CHRM3: variants seen among roughly 807,000 people sequenced by gnomAD.
CHRM3 encodes the protein cholinergic receptor muscarinic 3.
Under a neutral mutation model 41.8 loss-of-function variants are expected in CHRM3, and 11 were observed. That is an observed-to-expected ratio of 0.26 (90% confidence interval 0.17 to 0.44). The LOEUF is 0.44. CHRM3 is among the 20% of genes least tolerant of loss of function. The pLI is 1.00. For synonymous variants in CHRM3, 297 were observed against 301.4 expected, an observed-to-expected ratio of 0.99 and a Z score of 0.15; for missense variants, 571 against 745.4, an observed-to-expected ratio of 0.77 and a Z score of 2.72.
At chr1:239,453,529 G>A (rs908886616) in intron 1 of CHRM3, among the ~76,000 whole-genome samples, 1 of 151,938 alleles carries the variant, frequency 6.6e-6, no homozygotes, top group Non-Finnish European at 1.5e-5. Flanking sequence ...ACACATTCTT[G>A]TCTTATTAGA....
intron 1 of CHRM3, among the ~76,000 whole-genome samples, chr1:239,482,060 A>AT (rs1253971043): frequency 6.6e-6 from 1 of 151,878 alleles, no homozygotes; most frequent in Non-Finnish European, 1.5e-5. Flanking sequence ...ACAAAGGCTT[A>AT]TTTTTTTCAT....
intron 3 of CHRM3, among the ~76,000 whole-genome samples, chr1:239,559,129 T>A (rs1468080998): frequency 2.6e-5 from 4 of 152,184 alleles, no homozygotes; most frequent in African/African-American, 9.7e-5. Flanking sequence ...AGCCATCTCT[T>A]ATCACTTTCC....
intron 3 of CHRM3, among the ~76,000 whole-genome samples, chr1:239,586,502 C>T (rs1663415749): frequency 6.6e-6 from 1 of 152,036 alleles, no homozygotes; most frequent in South Asian, 2.1e-4. Flanking sequence ...CTCTTGGAAC[C>T]CAAACTAAAG....
At chr1:239,685,028 T>G (rs530784344) in intron 5 of CHRM3, among the ~76,000 whole-genome samples, 1 of 152,346 alleles carries the variant, frequency 6.6e-6, no homozygotes, top group East Asian at 1.9e-4. Flanking sequence ...CCTCTCTTGC[T>G]CTAGGCCCAC....
intron 3 of CHRM3, among the ~76,000 whole-genome samples, chr1:239,608,408 T>A (rs1341783995): frequency 1.3e-5 from 2 of 152,234 alleles, no homozygotes; most frequent in Admixed American, 1.3e-4. Context: ...TTTTGTGGGT[T>A]TTAATAAATT....
intron 6 of CHRM3, among the ~76,000 whole-genome samples, chr1:239,831,045 G>A (rs924779152): frequency 6.6e-6 from 1 of 151,898 alleles, no homozygotes; most frequent in Non-Finnish European, 1.5e-5. Context: ...TTAAGAAGGG[G>A]CAGTGCCATG....
chr1:239,721,849 A>G (rs1022329931), intron 5 of CHRM3, among the ~76,000 whole-genome samples: 4 of 152,008 alleles, frequency 2.6e-5, no homozygotes, highest in African/African-American at 7.2e-5. Context: ...AAGCAATGTA[A>G]TGGTGTGGCA....
At chr1:239,769,652 C>T (rs150373321) in intron 5 of CHRM3, among the ~76,000 whole-genome samples, 1,962 of 152,208 alleles carry the variant, frequency 0.013, 37 homozygotes, top group African/African-American at 0.044. Context: ...GAGGCCAAGG[C>T]GGGTAGATCA....
intron 5 of CHRM3, among the ~76,000 whole-genome samples, chr1:239,797,594 C>T (rs1032163734): frequency 9.9e-5 from 15 of 152,136 alleles, no homozygotes; most frequent in African/African-American, 2.7e-4. Context: ...TGATCTGCCT[C>T]GTTCGTTCCC....
chr1:239,480,543 A>ATTTTGT (rs1558254333), intron 1 of CHRM3, among the ~76,000 whole-genome samples: 2 of 110,718 alleles, frequency 1.8e-5, no homozygotes, highest in African/African-American at 4.0e-5. Context: ...CGATAGCCCA[A>ATTTTGT]TTTTTTTTTT....
At chr1:239,775,861 G>A (rs546159991) in intron 5 of CHRM3, among the ~76,000 whole-genome samples, 1 of 152,206 alleles carries the variant, frequency 6.6e-6, no homozygotes, top group Non-Finnish European at 1.5e-5. Flanking sequence ...GAAAGTTTCT[G>A]TACAGGTTCT....
At chr1:239,618,829 G>A (rs1393941676) in intron 3 of CHRM3, among the ~76,000 whole-genome samples, 1 of 133,684 alleles carries the variant, frequency 7.5e-6, no homozygotes, top group Non-Finnish European at 1.6e-5. Context: ...GGGAGACAGA[G>A]CGAGACTCTG....
intron 4 of CHRM3, among the ~76,000 whole-genome samples, chr1:239,665,446 C>CT (rs1475964014): frequency 6.6e-6 from 1 of 152,116 alleles, no homozygotes; most frequent in African/African-American, 2.4e-5. Flanking sequence ...TTAATGGAAG[C>CT]TATTTTTTTC....
In CHRM3 at chr1:239,873,910, A is replaced by G. The variant is rs140220195; in HGVS notation, c.-19-33523A>G. Among the ~76,000 whole-genome samples the G allele has an allele frequency of 1.4e-3, 212 of 152,124 alleles. 1 individual carries two copies. The highest frequency in any genetic ancestry group is 5.0e-3 in the African/African-American group (206 of 41,508). On this transcript the variant is annotated intron_variant, in intron 6 of 6. Transcript: ENST00000676153. ...CTAACTCTGCCTACCTGCTCCTCTCATCGGAGTTTCTCTCCACAGCATCCA... is the reference window on the plus strand; with the variant it reads ...CTAACTCTGCCTACCTGCTCCTCTCGTCGGAGTTTCTCTCCACAGCATCCA...
Position 239,444,190 on chromosome 1 carries a change from C to CAT in CHRM3, c.-520-48518_-520-48517insTA, listed in dbSNP as rs151200426. Among the ~76,000 whole-genome samples, 333 of 152,220 alleles carry CAT rather than the reference C, an allele frequency of 2.2e-3. 1 individual carries two copies. The highest frequency in any genetic ancestry group is 7.7e-3 in the African/African-American group (318 of 41,558). On this transcript the variant is annotated intron_variant, in intron 1 of 6. Transcript: ENST00000676153. Reference sequence around the variant, plus strand: ...TGGCTGTGGGTCTTTGTTCAGGAGTCACGGAATTAGTCTGCACCAGACAAA... The same window carrying CAT: ...TGGCTGTGGGTCTTTGTTCAGGAGTCATACGGAATTAGTCTGCACCAGACAAA...
intron 2 of CHRM3, among the ~76,000 whole-genome samples, chr1:239,525,643 A>G (rs941083397): frequency 3.9e-5 from 6 of 152,156 alleles, no homozygotes; most frequent in Non-Finnish European, 7.3e-5. Flanking sequence ...TACATGTTAC[A>G]TTCTCCCACC....
chr1:239,423,362 T>C (rs1662109864), intron 1 of CHRM3, among the ~76,000 whole-genome samples: 1 of 152,196 alleles, frequency 6.6e-6, no homozygotes, highest in Non-Finnish European at 1.5e-5. Context: ...TGGACTGTAA[T>C]AAAAACTCTT....
chr1:239,441,476 A>T (rs1289806762), intron 1 of CHRM3, among the ~76,000 whole-genome samples: 1 of 152,214 alleles, frequency 6.6e-6, no homozygotes, highest in Non-Finnish European at 1.5e-5. Flanking sequence ...ATATTTGTCT[A>T]CATTTGAAAA....
intron 3 of CHRM3, among the ~76,000 whole-genome samples, chr1:239,601,481 G>A (rs1401777594): frequency 1.3e-5 from 2 of 151,876 alleles, no homozygotes; most frequent in Admixed American, 6.6e-5. Flanking sequence ...GTTAGAGTCA[G>A]ATAAAGGAAA....
Sources: gnomAD v4.1 joint callset for allele counts (sites outside exome capture counted in the v4.1 genomes callset) on GRCh38, gnomAD v4.1.1 for gene constraint, MANE v1.5 for transcripts, NCBI Gene and HGNC (gene_info 2026-07-23, HGNC 2026-07-21) for gene names.